Variants in EPHA6 observed in about 807,000 individuals in gnomAD.
EPHA6 encodes ephrin type-A receptor 6.
Under a neutral mutation model 112.0 loss-of-function variants are expected in EPHA6, and 50 were observed. That is an observed-to-expected ratio of 0.45 (90% CI 0.36 to 0.56). The LOEUF (loss-of-function observed/expected upper bound fraction) is 0.56, where lower values mean the gene tolerates loss of function less well. EPHA6 is among the 20% of genes least tolerant of loss of function. The pLI, the probability that EPHA6 is intolerant of heterozygous loss-of-function variation, is 0.00. For missense variants in EPHA6, 1,280 were observed against 1,417.4 expected, an observed-to-expected ratio of 0.90 and a Z score of 1.56; for synonymous variants, 529 against 490.7, an observed-to-expected ratio of 1.08 and a Z score of -1.03.
At chr3:97,067,798 T>C (rs2046225133) in intron 3 of EPHA6, among the ~76,000 whole-genome samples, 2 of 151,986 alleles carry the variant, frequency 1.3e-5, no homozygotes, top group Non-Finnish European at 2.9e-5. Context: ...GAAGGCAGGC[T>C]GATTACTGAC....
intron 3 of EPHA6, among the ~76,000 whole-genome samples, chr3:97,020,135 C>A (rs1451341332): frequency 1.3e-5 from 2 of 152,118 alleles, no homozygotes; most frequent in South Asian, 4.1e-4. Context: ...CTGTCAATAC[C>A]AGGAGCTTTC....
rs2081759228 is a variant in EPHA6, at chr3:97,315,148, TA to T, written c.1606+70862del. Among the ~76,000 whole-genome samples, 7 of 151,792 alleles carry T rather than the reference TA, an allele frequency of 4.6e-5. No homozygotes were observed. In the South Asian group the frequency reaches 1.5e-3, roughly 31 times the overall value. On this transcript the variant is annotated intron_variant, in intron 5 of 17. Transcript: ENST00000389672. The stretch of plus-strand genomic sequence containing the variant: ...AATTATAATTCCAATGATCTTTTAC[TA>T]GTGTTGTGGATGAAATCTTATAGAT...
chr3:97,227,794 T>C (rs1162358877), intron 4 of EPHA6, among the ~76,000 whole-genome samples: 1 of 152,214 alleles, frequency 6.6e-6, no homozygotes, highest in Admixed American at 6.5e-5. Context: ...GGGTGGAGTT[T>C]TCAGCCCTCT....
intron 2 of EPHA6, among the ~76,000 whole-genome samples, chr3:96,952,340 TGGTAG>T (rs1276826760): frequency 1.1e-4 from 17 of 152,120 alleles, no homozygotes; most frequent in African/African-American, 4.1e-4. Flanking sequence ...TATTGTGAGG[TGGTAG>T]GGCCTTTAAG....
At chr3:97,429,804 G>T (rs150399386) in intron 6 of EPHA6, among the ~76,000 whole-genome samples, 105 of 152,304 alleles carry the variant, frequency 6.9e-4, no homozygotes, top group African/African-American at 2.4e-3. Context: ...ATAGTTAGTA[G>T]ATATTTGTAA....
chr3:96,967,995 G>C (rs193103547), intron 2 of EPHA6, among the ~76,000 whole-genome samples: 9 of 151,660 alleles, frequency 5.9e-5, no homozygotes, highest in African/African-American at 1.9e-4. Context: ...TCTGTTATGA[G>C]CTATTGTATA....
intron 15 of EPHA6, among the ~76,000 whole-genome samples, 182 bp from the exon 16 acceptor site, chr3:97,735,743 T>C (rs1245635488): frequency 6.6e-6 from 1 of 151,972 alleles, no homozygotes; most frequent in Non-Finnish European, 1.5e-5. Flanking sequence ...GAGCAGATGC[T>C]TTGGAGCTAC....
At chr3:96,929,036 A>T (rs912063806) in intron 2 of EPHA6, among the ~76,000 whole-genome samples, 1 of 152,132 alleles carries the variant, frequency 6.6e-6, no homozygotes, top group African/African-American at 2.4e-5. Flanking sequence ...AGTCTCTTGA[A>T]GACAACATAT....
At chr3:96,956,067 G>A (rs1188368422) in intron 2 of EPHA6, among the ~76,000 whole-genome samples, 1 of 151,892 alleles carries the variant, frequency 6.6e-6, no homozygotes, top group Non-Finnish European at 1.5e-5. Context: ...CAGCAGATCA[G>A]TGTCAAAAGG....
At chr3:97,129,682 G>C (rs150906966) in intron 3 of EPHA6, among the ~76,000 whole-genome samples, 2,337 of 152,226 alleles carry the variant, frequency 0.015, 34 homozygotes, top group Non-Finnish European at 0.025. Context: ...TGCAGTAGTA[G>C]AGAGAGACTG....
chr3:97,097,231 TA>T (rs2047266636), intron 3 of EPHA6, among the ~76,000 whole-genome samples: 1 of 151,594 alleles, frequency 6.6e-6, no homozygotes, highest in African/African-American at 2.4e-5. Flanking sequence ...TAAAAATATG[TA>T]AATGGAAAAT....
At chr3:97,545,574 A>G (rs1224286520) in intron 11 of EPHA6, among the ~76,000 whole-genome samples, 2 of 152,192 alleles carry the variant, frequency 1.3e-5, no homozygotes, top group Non-Finnish European at 2.9e-5. Context: ...GTAGATGTCT[A>G]TTAGGTCCAC....
At chr3:97,466,593 G>A (rs1324802469) in intron 7 of EPHA6, 20 of 671,518 alleles carry the variant, frequency 3.0e-5, no homozygotes, top group Admixed American at 2.3e-4. Flanking sequence ...TGATGGGTTT[G>A]TCTTCAGTAT....
chr3:97,571,387 G>A (rs950544094), intron 11 of EPHA6, among the ~76,000 whole-genome samples: 7 of 151,562 alleles, frequency 4.6e-5, no homozygotes, highest in Non-Finnish European at 8.8e-5. Flanking sequence ...AAAAAAAAAA[G>A]TTTTAAAGTT....
chr3:97,169,703 T>C (rs2076639843), intron 3 of EPHA6, among the ~76,000 whole-genome samples: 1 of 152,216 alleles, frequency 6.6e-6, no homozygotes, highest in Non-Finnish European at 1.5e-5. Context: ...TATGTATTGA[T>C]TCTTGTCTTA....
chr3:97,492,875 G>A (rs1417655471), intron 10 of EPHA6, among the ~76,000 whole-genome samples: 1 of 151,916 alleles, frequency 6.6e-6, no homozygotes, highest in Non-Finnish European at 1.5e-5. Context: ...AATAAATGGT[G>A]TGGAGATTAA....
intron 3 of EPHA6, among the ~76,000 whole-genome samples, chr3:97,181,247 G>T (rs976785383): frequency 2.6e-5 from 4 of 152,132 alleles, no homozygotes; most frequent in Non-Finnish European, 5.9e-5. Context: ...ACAGGGTGGA[G>T]AAGGGTGGCT....
intron 10 of EPHA6, among the ~76,000 whole-genome samples, chr3:97,504,345 G>A (rs187930887): frequency 2.1e-4 from 32 of 152,240 alleles, no homozygotes; most frequent in Admixed American, 1.4e-3. Context: ...TAGGGGGCCC[G>A]GAAGTGGAAG....
At chr3:97,277,400 G>C (rs551441362) in intron 5 of EPHA6, among the ~76,000 whole-genome samples, 2 of 152,098 alleles carry the variant, frequency 1.3e-5, no homozygotes, top group Non-Finnish European at 2.9e-5. Context: ...AAGGAATTTC[G>C]CAAGGTAATG....
Sources: gnomAD v4.1 joint callset for allele counts (sites outside exome capture counted in the v4.1 genomes callset) on GRCh38, gnomAD v4.1.1 for gene constraint, MANE v1.5 for transcripts, NCBI Gene and HGNC (gene_info 2026-07-23, HGNC 2026-07-21) for gene names.